The following SLC7A6 variants were observed in gnomAD, a reference collection of about 807,000 sequenced individuals.
SLC7A6 encodes solute carrier family 7 member 6.
A neutral mutation model predicts 46.6 loss-of-function variants in SLC7A6; 29 were observed. That is an observed-to-expected ratio of 0.62 (90% confidence interval 0.46 to 0.85). SLC7A6 has a LOEUF of 0.85. Among genes scored for constraint, SLC7A6 ranks in the 40% least tolerant of loss-of-function variants. The probability of loss-of-function intolerance (pLI) is 0.00; values close to 1 mark genes in which losing one functional copy is unlikely to be tolerated. For synonymous variants in SLC7A6, 276 were observed against 257.3 expected (o/e 1.07, Z -0.70); for missense variants, 527 against 647.6 (o/e 0.81, Z 2.02).
chr16:68,282,989 C>T (rs2042857154), intron 3 of SLC7A6, among the ~76,000 whole-genome samples: 1 of 152,188 alleles, frequency 6.6e-6, no homozygotes, highest in Non-Finnish European at 1.5e-5. Context: ...CCCTTTATAA[C>T]ATTCAGCCTG....
In SLC7A6 at chr16:68,299,906, G is replaced by C. The variant is rs1022197807; in HGVS notation, c.*2578G>C. The C allele has an allele frequency of 1.3e-5, 2 of 152,196 alleles. No individual in the cohort carries two copies. The highest frequency in any genetic ancestry group is 1.3e-4 in the Admixed American group (2 of 15,272). 9.4% of individuals were successfully genotyped at this position (152,196 alleles called of 1,614,324 possible). A position where few individuals can be genotyped will look rare whatever the true frequency, so the allele number is the denominator to read the frequency against. The stretch of plus-strand genomic sequence containing the variant: ...TCGGCAGGTTGAACAACTCCATGTA[G>C]ATAAGAGCAAGTGTAGGCAAAGGTT... On this transcript the variant is annotated 3_prime_UTR_variant, in exon 11 of 11. Transcript: ENST00000219343.
intron 7 of SLC7A6, chr16:68,292,791 C>T (rs2043083176): frequency 6.6e-6 from 1 of 152,180 alleles, no homozygotes; most frequent in South Asian, 2.1e-4. Flanking sequence ...CTTAGCCTGT[C>T]TTTAGTCCTC....
At chr16:68,271,602 G>A (rs573924857) in intron 2 of SLC7A6, among the ~76,000 whole-genome samples, 2 of 152,296 alleles carry the variant, frequency 1.3e-5, no homozygotes, top group East Asian at 3.9e-4. Flanking sequence ...ACTGTGCCCT[G>A]CCAAGGTGAA....
At chr16:68,290,724 G>C (rs771043765) in intron 5 of SLC7A6, 184 bp downstream of exon 5, 2 of 711,336 alleles carry the variant, frequency 2.8e-6, no homozygotes, top group Non-Finnish European at 4.6e-6. Context: ...GAAAGCCTTC[G>C]GCTCCCTGTC....
At chr16:68,266,378 A>G (rs184587033) in intron 1 of SLC7A6, among the ~76,000 whole-genome samples, 1 of 152,324 alleles carries the variant, frequency 6.6e-6, no homozygotes, top group African/African-American at 2.4e-5. Flanking sequence ...TGGGCTGGCT[A>G]CTTCAGTTAT....
intron 4 of SLC7A6, 77 bp from the exon 5 acceptor site, chr16:68,290,319 C>A: frequency 1.4e-6 from 2 of 1,469,126 alleles, no homozygotes; most frequent in South Asian, 1.2e-5. Flanking sequence ...CTTTCTCTTA[C>A]ACCTCCCATC....
chr16:68,275,424 C>T lies in SLC7A6; in HGVS notation c.523+175C>T, dbSNP rs186786613. On this transcript the variant is annotated intron_variant, in intron 3 of 10. Coordinates refer to ENST00000219343, the MANE Select transcript of SLC7A6 (RefSeq NM_003983.6). ...CAGCCTGACCAACATGGAGAAACCC[C>T]GTCTCTACTGAAAAAACAAATATAG... Among the ~76,000 whole-genome samples, 700 of 151,802 alleles carry T rather than the reference C, an allele frequency of 4.6e-3. 25 individuals are homozygous for T. Among genetic ancestry groups the T allele is most frequent in the Admixed American group, 0.042 (639 of 15,214 alleles).
intron 1 of SLC7A6, among the ~76,000 whole-genome samples, 172 bp from the exon 2 acceptor site, chr16:68,266,421 T>C (rs2151211542): frequency 6.6e-6 from 1 of 152,328 alleles, no homozygotes; most frequent in South Asian, 2.1e-4. Context: ...AACCTGCTAG[T>C]AATTAGGACT....
At chr16:68,290,647 C>T in intron 5 of SLC7A6, 107 bp downstream of exon 5, 2 of 1,286,894 alleles carry the variant, frequency 1.6e-6, no homozygotes, top group Non-Finnish European at 2.2e-6. Flanking sequence ...CTCCTCCCCT[C>T]TTCTCCCTAC....
intron 8 of SLC7A6, 180 bp downstream of exon 8, chr16:68,294,981 T>C (rs2043134372): frequency 1.8e-6 from 1 of 541,828 alleles, no homozygotes; most frequent in Non-Finnish European, 3.3e-6. Context: ...TTTGGATTAA[T>C]CTGGAATTTA....
chr16:68,287,691 G>A (rs576510459), intron 3 of SLC7A6, 55 bp from the exon 4 acceptor site: 1 of 1,592,250 alleles, frequency 6.3e-7, no homozygotes, highest in Admixed American at 1.7e-5. Flanking sequence ...AAGAGGGGTT[G>A]GGCCCCTGTG....
intron 7 of SLC7A6, among the ~76,000 whole-genome samples, chr16:68,294,301 T>C (rs560433741): frequency 3.9e-5 from 6 of 152,300 alleles, no homozygotes; most frequent in East Asian, 3.9e-4. Flanking sequence ...AGGGAAAATA[T>C]ATGGAGGGCA....
chr16:68,295,073 T>TCAAC (rs1468055141), intron 8 of SLC7A6, among the ~76,000 whole-genome samples: 4 of 152,224 alleles, frequency 2.6e-5, no homozygotes, highest in African/African-American at 9.6e-5. Context: ...TATCGCTCAC[T>TCAAC]CAACAATCCA....
chr16:68,291,218 C>T lies in SLC7A6; in HGVS notation c.804C>T (p.Pro268=). ...EEIKNPERNL[P]LAIGISMPIV... ...TCACTTGTCCTGACAGAAATTTGCC[C>T]TTGGCCATTGGGATTTCTATGCCAA... Residue 268 remains proline, a synonymous_variant, in exon 6 of 11, where the codon CCC becomes CCT. Coordinates refer to ENST00000219343, the MANE Select transcript of SLC7A6 (RefSeq NM_003983.6). 1 of 1,614,226 alleles carries T rather than the reference C, an allele frequency of 6.2e-7. No individual in the cohort carries two copies. The highest frequency in any genetic ancestry group is 8.5e-7 in the Non-Finnish European group (1 of 1,180,036).
chr16:68,281,918 C>T (rs887625626), intron 3 of SLC7A6, among the ~76,000 whole-genome samples: 5 of 152,182 alleles, frequency 3.3e-5, no homozygotes, highest in Admixed American at 1.3e-4. Context: ...CGCCTGCTCA[C>T]AGCTGAGACT....
Position 68,274,674 on chromosome 16 carries a change from C to G in SLC7A6, c.-36-17C>G. 6.2e-7 allele frequency: 1 copy of G among 1,603,158 alleles called. No individual in the cohort carries two copies. Among genetic ancestry groups the G allele is most frequent in the East Asian group, 2.2e-5 (1 of 44,678 alleles). On this transcript the variant is annotated splice_polypyrimidine_tract_variant and intron_variant, in intron 2 of 10. Transcript: ENST00000219343. ...CCAGCTCCTGCCCTAGACTGACATA[C>G]TTGTATTCTTTGCCAGGCCACAGCA...
chr16:68,291,101 G>C, intron 5 of SLC7A6, 108 bp from the exon 6 acceptor site: 3 of 1,432,208 alleles, frequency 2.1e-6, no homozygotes, highest in Non-Finnish European at 2.9e-6. Context: ...CAAAGACTTG[G>C]AGGCTAGTGA....
intron 3 of SLC7A6, among the ~76,000 whole-genome samples, chr16:68,285,506 C>T (rs1224873376): frequency 6.6e-6 from 1 of 152,166 alleles, no homozygotes; most frequent in African/African-American, 2.4e-5. Context: ...GGCTGCTTCT[C>T]CCCTCCCATT....
intron 10 of SLC7A6, 73 bp downstream of exon 10, chr16:68,296,883 A>T: frequency 6.7e-7 from 1 of 1,498,852 alleles, no homozygotes. Context: ...GGGGTGGCTA[A>T]CAGCTTCCCC....
Sources: allele counts gnomAD v4.1 joint callset (sites outside exome capture counted in the v4.1 genomes callset), GRCh38; gene constraint gnomAD v4.1.1; transcripts MANE v1.5; gene names NCBI Gene and HGNC (gene_info 2026-07-23, HGNC 2026-07-21).